The following PRKCQ variants were observed in gnomAD, a reference collection of about 807,000 sequenced individuals.
The protein encoded by PRKCQ is protein kinase C theta type.
PRKCQ carries 41 observed loss-of-function variants against 91.2 expected under a neutral mutation model. That is an observed-to-expected ratio of 0.45 (90% CI 0.35 to 0.58). The LOEUF is 0.58. PRKCQ is among the 20% of genes least tolerant of loss of function. The pLI is 0.00. For missense variants in PRKCQ, 673 were observed against 896.5 expected (o/e 0.75, Z 3.18); for synonymous variants, 307 against 316.9 (o/e 0.97, Z 0.33).
At chr10:6,447,277 C>T (rs1394908306) in intron 15 of PRKCQ, among the ~76,000 whole-genome samples, 4 of 151,818 alleles carry the variant, frequency 2.6e-5, no homozygotes, top group African/African-American at 9.7e-5. Flanking sequence ...CATGGTGGCA[C>T]GCGCCTGTAG....
intron 1 of PRKCQ, among the ~76,000 whole-genome samples, chr10:6,540,440 A>G (rs1839732993): frequency 1.3e-5 from 2 of 152,160 alleles, no homozygotes; most frequent in Non-Finnish European, 2.9e-5. Context: ...TTCTATGCCT[A>G]TAAATTTGAC....
chr10:6,512,810 T>C (rs898981208), intron 2 of PRKCQ, among the ~76,000 whole-genome samples: 2 of 152,060 alleles, frequency 1.3e-5, no homozygotes, highest in African/African-American at 4.8e-5. Flanking sequence ...TAAACTTGGC[T>C]AGGAAAGACA....
the PRKCQ span, among the ~76,000 whole-genome samples, chr10:6,411,504 C>T: frequency 2.6e-5 from 4 of 152,174 alleles, no homozygotes; most frequent in Admixed American, 2.0e-4. Flanking sequence ...ATCATAATAA[C>T]ACAATAGAAG....
intron 16 of PRKCQ, among the ~76,000 whole-genome samples, chr10:6,439,211 C>T (rs1404032118): frequency 6.6e-6 from 1 of 152,160 alleles, no homozygotes; most frequent in East Asian, 1.9e-4. Flanking sequence ...CCAGTTTCCA[C>T]CTGTAATACT....
intron 12 of PRKCQ, among the ~76,000 whole-genome samples, chr10:6,466,439 G>C (rs926957367): frequency 6.6e-6 from 1 of 152,180 alleles, no homozygotes; most frequent in African/African-American, 2.4e-5. Flanking sequence ...AGAAGACTAC[G>C]TTACTAGTGA....
At chr10:6,498,313 T>C in intron 5 of PRKCQ, 83 bp downstream of exon 5, 1 of 1,513,634 alleles carries the variant, frequency 6.6e-7, no homozygotes, top group Non-Finnish European at 9.1e-7. Context: ...CCCCCCACAG[T>C]GGAGCATGCC....
chr10:6,559,796 C>T (rs1840554830), intron 1 of PRKCQ, among the ~76,000 whole-genome samples: 2 of 147,638 alleles, frequency 1.4e-5, no homozygotes, highest in South Asian at 2.2e-4. Flanking sequence ...ACCTCTTCAC[C>T]GTCTTTGTTT....
At chr10:6,490,586 C>T (rs1373694202) in intron 8 of PRKCQ, among the ~76,000 whole-genome samples, 1 of 143,964 alleles carries the variant, frequency 6.9e-6, no homozygotes, top group Non-Finnish European at 1.5e-5. Context: ...CAAAGAAAAA[C>T]AAAAAAAACA....
chr10:6,430,762 G>A lies in PRKCQ; in HGVS notation c.1965+48C>T. 1 of 1,598,034 alleles carries A rather than the reference G, an allele frequency of 6.3e-7. No individual in the cohort carries two copies. The highest frequency in any genetic ancestry group is 1.1e-5 in the South Asian group (1 of 87,874). On this transcript the variant is annotated intron_variant, in intron 17 of 17. Transcript: ENST00000263125. The surrounding 1 kb of genome is among the most constrained non-coding windows in gnomAD (Gnocchi z 4.7). ...GACTTGGACAGGCAGACGGCCCTGAGCGGAGGGAGAGTGGCTGACACCAAG... is the reference window on the plus strand; with the variant it reads ...GACTTGGACAGGCAGACGGCCCTGAACGGAGGGAGAGTGGCTGACACCAAG...
chr10:6,460,177 T>A (rs1249857793), intron 14 of PRKCQ, among the ~76,000 whole-genome samples: 1 of 152,120 alleles, frequency 6.6e-6, no homozygotes, highest in Non-Finnish European at 1.5e-5. Flanking sequence ...ATAAACTCAT[T>A]TTTTTTTCTT....
In PRKCQ at chr10:6,502,366, A is replaced by C. The variant is rs372176427; in HGVS notation, c.380-3808T>G. Among the ~76,000 whole-genome samples, 9 of 152,304 alleles carry C rather than the reference A, an allele frequency of 5.9e-5. No homozygotes were observed. The South Asian group carries it at 1.9e-3, about 32-fold the overall frequency. ...TGTGGGAGAAGGTATGGTGGGGAAAAGCCAAAGGTGCTCTCTCTGGGTGGA... is the reference window on the plus strand; with the variant it reads ...TGTGGGAGAAGGTATGGTGGGGAAACGCCAAAGGTGCTCTCTCTGGGTGGA... On this transcript the variant is annotated intron_variant, in intron 4 of 17. Transcript: ENST00000263125.
the PRKCQ span, among the ~76,000 whole-genome samples, chr10:6,413,537 GCACACA>G: frequency 1.4e-3 from 80 of 56,944 alleles, 7 homozygotes; most frequent in African/African-American, 6.7e-3. Flanking sequence ...TGCCACTTGT[GCACACA>G]CACACACACA....
intron 15 of PRKCQ, among the ~76,000 whole-genome samples, chr10:6,452,329 C>G (rs545348798): frequency 1.7e-4 from 26 of 152,214 alleles, no homozygotes; most frequent in African/African-American, 4.8e-4. Flanking sequence ...ACGATTGCTT[C>G]AAAGAGAATA....
At chr10:6,500,409 C>A (rs1427469677) in intron 4 of PRKCQ, among the ~76,000 whole-genome samples, 1 of 150,880 alleles carries the variant, frequency 6.6e-6, no homozygotes, top group Non-Finnish European at 1.5e-5. Flanking sequence ...ATACATATAT[C>A]TATACATATA....
intron 8 of PRKCQ, chr10:6,489,306 T>C: frequency 2.1e-6 from 1 of 472,428 alleles, no homozygotes; most frequent in South Asian, 1.5e-5. Context: ...CTTAAAACTG[T>C]AGCCACATCT....
At chr10:6,505,644 CCTTTCCTTTCCTTT>C (rs1564360352) in intron 4 of PRKCQ, among the ~76,000 whole-genome samples, 2 of 150,018 alleles carry the variant, frequency 1.3e-5, no homozygotes, top group African/African-American at 4.9e-5. Flanking sequence ...TCCCTTCCTT[CCTTTCCTTTCCTTT>C]CTTTCCTTTC....
At chr10:6,416,670 G>C in the PRKCQ span, among the ~76,000 whole-genome samples, 1 of 152,170 alleles carries the variant, frequency 6.6e-6, no homozygotes, top group African/African-American at 2.4e-5. Context: ...GCTGTTATAA[G>C]CATACATGTG....
chr10:6,529,198 T>C (rs564239630), intron 1 of PRKCQ, among the ~76,000 whole-genome samples: 1 of 152,298 alleles, frequency 6.6e-6, no homozygotes, highest in South Asian at 2.1e-4. Context: ...CTTCATCAGA[T>C]AAAGTTGGGA....
intron 1 of PRKCQ, among the ~76,000 whole-genome samples, chr10:6,527,595 G>GT (rs896552166): frequency 5.9e-5 from 9 of 152,262 alleles, no homozygotes; most frequent in African/African-American, 2.2e-4. Context: ...CCCCAAACCA[G>GT]TTATGCCAAG....
Sources: allele counts gnomAD v4.1 joint callset (sites outside exome capture counted in the v4.1 genomes callset), GRCh38; gene constraint gnomAD v4.1.1; non-coding constraint Gnocchi (gnomAD v3.1); transcripts MANE v1.5; gene names NCBI Gene and HGNC (gene_info 2026-07-23, HGNC 2026-07-21).